SRGAP2: variants seen among roughly 807,000 people sequenced by gnomAD.
The protein encoded by SRGAP2 is SLIT-ROBO Rho GTPase activating protein 2, also known as SLIT-ROBO Rho GTPase-activating protein 2.
SRGAP2 carries 15 observed loss-of-function variants against 57.2 expected under a neutral mutation model. The observed-to-expected ratio is 0.26, with a 90% CI of 0.18 to 0.40. The LOEUF (loss-of-function observed/expected upper bound fraction) is 0.40. SRGAP2 is among the 10% of genes least tolerant of loss of function. The pLI, the probability that SRGAP2 is intolerant of heterozygous loss-of-function variation, is 1.00. For missense variants in SRGAP2, 520 were observed against 669.6 expected, an observed-to-expected ratio of 0.78 and a Z score of 2.47; for synonymous variants, 249 against 248.0, an observed-to-expected ratio of 1.00 and a Z score of -0.04.
intron 2 of SRGAP2, among the ~76,000 whole-genome samples, chr1:206,289,544 T>C (rs1671199578): frequency 6.6e-6 from 1 of 152,078 alleles, no homozygotes; most frequent in Non-Finnish European, 1.5e-5. Flanking sequence ...CCCAAAGCGC[T>C]GGGATTATAG....
intron 3 of SRGAP2, among the ~76,000 whole-genome samples, chr1:206,332,720 T>G (rs1226390423): frequency 6.6e-6 from 1 of 150,900 alleles, no homozygotes; most frequent in African/African-American, 2.5e-5. Context: ...CTAAATTTTT[T>G]TCAAAGTTTT....
chr1:206,279,091 A>G (rs1383965395), intron 2 of SRGAP2, among the ~76,000 whole-genome samples: 46 of 102,088 alleles, frequency 4.5e-4, no homozygotes, highest in Admixed American at 1.2e-3. Context: ...TCTGAACTCC[A>G]TAAGATCTTT....
chr1:206,347,167 A>G (rs1553337051), intron 4 of SRGAP2, among the ~76,000 whole-genome samples: 1 of 149,474 alleles, frequency 6.7e-6, no homozygotes, highest in African/African-American at 2.5e-5. Flanking sequence ...GGGAAGGATC[A>G]CTTGAGCCCA....
chr1:206,285,819 C>G (rs1670992583), intron 2 of SRGAP2, among the ~76,000 whole-genome samples: 1 of 152,052 alleles, frequency 6.6e-6, no homozygotes, highest in Non-Finnish European at 1.5e-5. Flanking sequence ...AGGTGCACCA[C>G]CATGCCTGGC....
At chr1:206,243,327 G>A (rs1168074894) in intron 2 of SRGAP2, among the ~76,000 whole-genome samples, 3 of 141,248 alleles carry the variant, frequency 2.1e-5, no homozygotes, top group East Asian at 2.2e-4. Flanking sequence ...CTCTGTACCC[G>A]TTTATAAATA....
At chr1:206,261,012 G>T in intron 2 of SRGAP2, among the ~76,000 whole-genome samples, 1 of 151,660 alleles carries the variant, frequency 6.6e-6, no homozygotes, top group Middle Eastern at 3.4e-3. Flanking sequence ...TCTATCTCAG[G>T]TTTATTTCAA....
chr1:206,430,118 C>T (rs782504233), intron 13 of SRGAP2, 44 bp from the exon 14 acceptor site: 1 of 780,018 alleles, frequency 1.3e-6, no homozygotes, highest in East Asian at 2.4e-5. Context: ...CTGGGCTATC[C>T]CTGTTTGAAT....
intron 10 of SRGAP2, among the ~76,000 whole-genome samples, chr1:206,411,673 G>A (rs782737637): frequency 1.3e-5 from 2 of 152,160 alleles, no homozygotes; most frequent in Non-Finnish European, 2.9e-5. Context: ...AGGGTCTTGG[G>A]TTCACGCAGA....
chr1:206,273,773 G>A lies in SRGAP2; in HGVS notation c.68-29508G>A, dbSNP rs1248732640. The stretch of plus-strand genomic sequence containing the variant: ...GAACTCTTCATTTTCATAAAAATCC[G>A]TCTGTGGGTGGTCACTGTGTTGAGA... On this transcript the variant is annotated intron_variant, in intron 2 of 22. Transcript: ENST00000573034. 5.5e-5 allele frequency among the ~76,000 whole-genome samples: 8 copies of A among 146,216 alleles called. 1 individual carries two copies. The South Asian group carries it at 6.3e-4, about 11-fold the overall frequency.
chr1:206,321,196 A>G (rs1292707247), intron 3 of SRGAP2, among the ~76,000 whole-genome samples: 1 of 145,736 alleles, frequency 6.9e-6, no homozygotes, highest in Non-Finnish European at 1.5e-5. Flanking sequence ...CCTTAATTTG[A>G]TATTTCTGGC....
At chr1:206,412,997 C>G (rs539868305) in intron 10 of SRGAP2, among the ~76,000 whole-genome samples, 7 of 152,162 alleles carry the variant, frequency 4.6e-5, no homozygotes, top group African/African-American at 1.4e-4. Flanking sequence ...TTAATGAAAC[C>G]CGAAGAGGTA....
At chr1:206,354,387 C>A (rs61816841) in intron 4 of SRGAP2, among the ~76,000 whole-genome samples, 2,353 of 152,244 alleles carry the variant, frequency 0.015, 41 homozygotes, top group East Asian at 0.048. Flanking sequence ...ATACTGTATA[C>A]TTAAGGCATG....
intron 2 of SRGAP2, among the ~76,000 whole-genome samples, chr1:206,267,282 A>T (rs182248298): frequency 4.6e-5 from 7 of 152,148 alleles, no homozygotes; most frequent in African/African-American, 1.7e-4. Context: ...TCAAACATTC[A>T]TGGCGCTAGA....
In SRGAP2 at chr1:206,454,169, C is replaced by T. The variant is rs1314103959; in HGVS notation, c.2361-709C>T. On this transcript the variant is annotated intron_variant, in intron 20 of 22. Coordinates refer to ENST00000573034, the MANE Select transcript of SRGAP2 (RefSeq NM_015326.5). The surrounding 1 kb of genome is among the most constrained non-coding windows in gnomAD (Gnocchi z 4.3). ...GTTGATATCCTGAGTGAGTCTGCAC[C>T]CTCCCAGCCTCTTCCCGGCTCGTTC... 1 of 702,320 alleles carries T rather than the reference C, an allele frequency of 1.4e-6. No homozygotes were observed. The highest frequency in any genetic ancestry group is 1.7e-5 in the African/African-American group (1 of 57,222). The allele number at this position is 702,320 out of a possible 1,614,324, so 43.5% of individuals were successfully genotyped here.
chr1:206,244,160 A>C (rs1350337331), intron 2 of SRGAP2, among the ~76,000 whole-genome samples: 1 of 76,748 alleles, frequency 1.3e-5, no homozygotes, highest in Non-Finnish European at 2.4e-5. Context: ...TGCCACTGTT[A>C]CTGAATGATC....
intron 2 of SRGAP2, among the ~76,000 whole-genome samples, chr1:206,285,943 G>A (rs1485205035): frequency 2.0e-5 from 3 of 152,172 alleles, no homozygotes; most frequent in African/African-American, 4.8e-5. Context: ...TGGGATTACA[G>A]GTGTGAGCCA....
At position 206,387,125 on chromosome 1, in the gene SRGAP2, CAAAAAAAAAA is replaced by C. The variant is rs782327960; in HGVS notation, c.486+3062_486+3071del. ...TGGGGGACAGAGCAAGACTCTGTCT[CAAAAAAAAAA>C]AAAAAAAAAAAATAGCAGTTCAGAG... is the stretch of plus-strand genomic sequence containing the variant. On this transcript the variant is annotated intron_variant, in intron 5 of 22. Transcript: ENST00000573034. Among the ~76,000 whole-genome samples, 77 of 83,520 alleles carry C rather than the reference CAAAAAAAAAA, an allele frequency of 9.2e-4. 1 individual carries two copies. The highest frequency in any genetic ancestry group is 0.013 in the Middle Eastern group (2 of 160). The allele number at this position is 83,520 out of a possible 152,430, so 54.8% of individuals were successfully genotyped here.
At chr1:206,387,125 CAAAA>C (rs782327960) in intron 5 of SRGAP2, among the ~76,000 whole-genome samples, 3 of 83,514 alleles carry the variant, frequency 3.6e-5, no homozygotes, top group African/African-American at 1.3e-4. Context: ...GACTCTGTCT[CAAAA>C]AAAAAAAAAA....
chr1:206,453,078 C>A (rs1315032446), intron 19 of SRGAP2, 122 bp from the exon 20 acceptor site: 3 of 446,342 alleles, frequency 6.7e-6, no homozygotes, highest in African/African-American at 2.0e-5. Context: ...TCATCCATGG[C>A]TTCGTTTTCC....
Sources: allele counts gnomAD v4.1 joint callset (sites outside exome capture counted in the v4.1 genomes callset), GRCh38; gene constraint gnomAD v4.1.1; non-coding constraint Gnocchi (gnomAD v3.1); transcripts MANE v1.5; gene names NCBI Gene and HGNC (gene_info 2026-07-23, HGNC 2026-07-21).